Variants in ELAVL2 observed in about 807,000 individuals in gnomAD.
The protein encoded by ELAVL2 is ELAV-like protein 2.
A neutral mutation model predicts 34.6 loss-of-function variants in ELAVL2; 4 were observed. The observed-to-expected ratio is 0.12, with a 90% confidence interval of 0.06 to 0.26. The LOEUF is 0.26. ELAVL2 is among the 10% of genes least tolerant of loss of function. ELAVL2 has a pLI of 1.00. For missense variants in ELAVL2, 432 were observed against 442.8 expected, an observed-to-expected ratio of 0.98 and a Z score of 0.22; for synonymous variants, 193 against 154.8, an observed-to-expected ratio of 1.25 and a Z score of -1.83.
At chr9:23,810,852 G>T (rs746812715) in intron 1 of ELAVL2, among the ~76,000 whole-genome samples, 2 of 152,112 alleles carry the variant, frequency 1.3e-5, no homozygotes, top group Non-Finnish European at 2.9e-5. Context: ...GAAATGCTCC[G>T]TGTCTCCTGG....
At chr9:23,781,974 G>A (rs909943771) in intron 1 of ELAVL2, among the ~76,000 whole-genome samples, 4 of 151,866 alleles carry the variant, frequency 2.6e-5, no homozygotes, top group African/African-American at 4.8e-5. Flanking sequence ...GTGAGCCACC[G>A]CGCCTGGCTA....
At chr9:23,712,539 A>C (rs1258925622) in intron 3 of ELAVL2, among the ~76,000 whole-genome samples, 1 of 152,174 alleles carries the variant, frequency 6.6e-6, no homozygotes, top group Non-Finnish European at 1.5e-5. Flanking sequence ...AAAAAATCTA[A>C]TTATTTGGGA....
chr9:23,770,409 AAT>A (rs1378739713), intron 1 of ELAVL2, among the ~76,000 whole-genome samples: 3 of 152,186 alleles, frequency 2.0e-5, no homozygotes, highest in Non-Finnish European at 2.9e-5. Context: ...CAGAAGTGTG[AAT>A]ATGTTATGTT....
At chr9:23,821,728 A>C (rs1346967840) in intron 1 of ELAVL2, 2 of 151,468 alleles carry the variant, frequency 1.3e-5, no homozygotes, top group Non-Finnish European at 2.9e-5. Context: ...GGGAAAGGGG[A>C]CTGGAAGCCG....
intron 2 of ELAVL2, among the ~76,000 whole-genome samples, chr9:23,740,967 C>T (rs935053809): frequency 3.9e-5 from 6 of 152,148 alleles, no homozygotes; most frequent in Non-Finnish European, 7.3e-5. Context: ...GGGATCAATA[C>T]CACATGGTCT....
At chr9:23,728,394 A>G (rs969588145) in intron 3 of ELAVL2, among the ~76,000 whole-genome samples, 2 of 152,144 alleles carry the variant, frequency 1.3e-5, no homozygotes, top group African/African-American at 2.4e-5. Context: ...CTGCAAAAGC[A>G]TATGCATGGA....
rs567105094 is a variant in ELAVL2 at position 23,766,169 on chromosome 9, C to T, written c.-15-3920G>A. Among the ~76,000 whole-genome samples, 5 of 152,206 alleles carry T rather than the reference C, an allele frequency of 3.3e-5. No individual in the cohort carries two copies. The South Asian group carries it at 6.2e-4, about 19-fold the overall frequency. Reference sequence around the variant, plus strand: ...TTGATATTAGCAATGCCGCCAGTAACGATGGATTCCACTTTCTGGCATCTA... The same window carrying T: ...TTGATATTAGCAATGCCGCCAGTAATGATGGATTCCACTTTCTGGCATCTA... On this transcript the variant is annotated intron_variant, in intron 1 of 6. Coordinates refer to ENST00000397312, the MANE Select transcript of ELAVL2 (RefSeq NM_004432.5).
At chr9:23,722,321 T>C (rs1479809660) in intron 3 of ELAVL2, among the ~76,000 whole-genome samples, 1 of 152,206 alleles carries the variant, frequency 6.6e-6, no homozygotes, top group Non-Finnish European at 1.5e-5. Context: ...AAAAATAATT[T>C]CAGGAAGTTA....
At chr9:23,784,245 AAG>A (rs1327457994) in intron 1 of ELAVL2, among the ~76,000 whole-genome samples, 1 of 152,178 alleles carries the variant, frequency 6.6e-6, no homozygotes, top group Non-Finnish European at 1.5e-5. Context: ...TAGCATAAAC[AAG>A]ACAGGTACTA....
chr9:23,761,908 T>C (rs572146033), intron 2 of ELAVL2, 98 bp downstream of exon 2: 46 of 1,381,570 alleles, frequency 3.3e-5, no homozygotes, highest in East Asian at 2.7e-4. Context: ...ATATGTAAAA[T>C]TGCAGCAGTG....
At chr9:23,739,682 GT>G (rs1564191556) in intron 2 of ELAVL2, among the ~76,000 whole-genome samples, 1 of 152,002 alleles carries the variant, frequency 6.6e-6, no homozygotes. Context: ...TAGTATTGTG[GT>G]AGAGGAAAAC....
upstream of ELAVL2, among the ~76,000 whole-genome samples, chr9:23,830,865 A>C (rs1227796231): frequency 6.6e-6 from 1 of 152,040 alleles, no homozygotes; most frequent in Admixed American, 6.5e-5. Context: ...CCTGAGCATA[A>C]AAAGGGAAAA....
At chr9:23,819,519 G>T (rs1338283701) in intron 1 of ELAVL2, among the ~76,000 whole-genome samples, 1 of 152,144 alleles carries the variant, frequency 6.6e-6, no homozygotes, top group East Asian at 1.9e-4. Context: ...GAACCACAGG[G>T]AAAGTGTGTG....
chr9:23,827,021 TTAGAA>T (rs1251045772), upstream of ELAVL2, among the ~76,000 whole-genome samples: 2 of 152,198 alleles, frequency 1.3e-5, no homozygotes, highest in Non-Finnish European at 1.5e-5. Context: ...TCACTTCATG[TTAGAA>T]TAGAAAAGTG....
At chr9:23,821,516 G>A (rs537720788) in intron 1 of ELAVL2, 2 of 152,298 alleles carry the variant, frequency 1.3e-5, no homozygotes, top group South Asian at 4.1e-4. Context: ...GACGCAGCGG[G>A]GGCGCGCACA....
chr9:23,699,830 T>G (rs1587288473), intron 5 of ELAVL2, among the ~76,000 whole-genome samples: 3 of 80,784 alleles, frequency 3.7e-5, no homozygotes, highest in Non-Finnish European at 7.6e-5. Flanking sequence ...TTTTTTTTTT[T>G]TTTTTTTTTT....
chr9:23,736,854 T>G (rs993535010), intron 2 of ELAVL2, among the ~76,000 whole-genome samples: 2 of 152,126 alleles, frequency 1.3e-5, no homozygotes, highest in Non-Finnish European at 2.9e-5. Flanking sequence ...CACTGTCAGT[T>G]TTTTGCTCAC....
intron 2 of ELAVL2, among the ~76,000 whole-genome samples, chr9:23,742,457 A>T (rs1331938213): frequency 1.3e-5 from 2 of 152,214 alleles, no homozygotes; most frequent in East Asian, 3.9e-4. Context: ...CAATATGGTG[A>T]CATCAAGTTA....
intron 3 of ELAVL2, among the ~76,000 whole-genome samples, chr9:23,718,856 G>A (rs2042959600): frequency 6.6e-6 from 1 of 152,132 alleles, no homozygotes; most frequent in Non-Finnish European, 1.5e-5. Flanking sequence ...AAGACTAATA[G>A]TCTCATTCAA....
Sources: allele counts gnomAD v4.1 joint callset (sites outside exome capture counted in the v4.1 genomes callset), GRCh38; gene constraint gnomAD v4.1.1; transcripts MANE v1.5; gene names NCBI Gene and HGNC (gene_info 2026-07-23, HGNC 2026-07-21).